The following SPATA16 variants were observed in gnomAD, a reference collection of about 807,000 sequenced individuals.
SPATA16 encodes the protein spermatogenesis-associated protein 16.
A neutral mutation model predicts 63.3 loss-of-function variants in SPATA16; 36 were observed. The observed-to-expected ratio is 0.57, with a 90% CI of 0.44 to 0.75. The LOEUF (loss-of-function observed/expected upper bound fraction) is 0.75. Ranked by LOEUF, SPATA16 falls within the 30% of genes least tolerant of loss-of-function variation. SPATA16 has a pLI of 0.00. For missense variants in SPATA16, 646 were observed against 679.3 expected, an observed-to-expected ratio of 0.95 and a Z score of 0.54; for synonymous variants, 203 against 216.7, an observed-to-expected ratio of 0.94 and a Z score of 0.56.
intron 2 of SPATA16, among the ~76,000 whole-genome samples, chr3:173,056,606 AG>A (rs1215095895): frequency 6.7e-6 from 1 of 149,734 alleles, no homozygotes; most frequent in East Asian, 2.0e-4. Flanking sequence ...AGGGAGGCTG[AG>A]GCAGAAGAAT....
chr3:172,900,630 T>G (rs1732107905), intron 10 of SPATA16, among the ~76,000 whole-genome samples: 1 of 133,070 alleles, frequency 7.5e-6, no homozygotes, highest in Non-Finnish European at 1.7e-5. Flanking sequence ...AGAGGTAATG[T>G]TTTTTTTTGT....
intron 5 of SPATA16, among the ~76,000 whole-genome samples, chr3:172,972,944 C>T (rs1173061925): frequency 1.3e-5 from 2 of 152,090 alleles, no homozygotes; most frequent in African/African-American, 4.8e-5. Context: ...AAGGAAATGA[C>T]GTATTATAAA....
At chr3:172,923,379 T>A (rs1732658086) in intron 8 of SPATA16, among the ~76,000 whole-genome samples, 1 of 152,214 alleles carries the variant, frequency 6.6e-6, no homozygotes. Context: ...TGAATAATGT[T>A]ATTGAGCAGA....
At chr3:173,099,651 T>G (rs1226402157) in intron 2 of SPATA16, among the ~76,000 whole-genome samples, 1 of 152,188 alleles carries the variant, frequency 6.6e-6, no homozygotes, top group Admixed American at 6.5e-5. Flanking sequence ...AATTTTGAAC[T>G]GTGTAAATAT....
chr3:172,949,205 G>A (rs1733367796), intron 6 of SPATA16, among the ~76,000 whole-genome samples: 3 of 151,226 alleles, frequency 2.0e-5, no homozygotes, highest in Admixed American at 1.3e-4. Context: ...ACCATAGAAT[G>A]TTTTTAAAAA....
intron 3 of SPATA16, among the ~76,000 whole-genome samples, chr3:173,035,457 G>A (rs1011322811): frequency 3.3e-5 from 5 of 152,060 alleles, no homozygotes; most frequent in Non-Finnish European, 1.5e-5. Flanking sequence ...GAGGATGATG[G>A]TAAGCCATAT....
chr3:172,977,092 T>C (rs751658534), intron 4 of SPATA16, 40 bp from the exon 5 acceptor site: 2 of 1,520,166 alleles, frequency 1.3e-6, no homozygotes, highest in Non-Finnish European at 1.8e-6. Flanking sequence ...CAAAAACAAA[T>C]GTATAGGACA....
At position 173,114,595 on chromosome 3, in the gene SPATA16, A is replaced by G. The variant is rs143476576; in HGVS notation, c.612+2525T>C. On this transcript the variant is annotated intron_variant, in intron 2 of 10. Coordinates refer to ENST00000351008, the MANE Select transcript of SPATA16 (RefSeq NM_031955.6). ...TATCAGCCCTTGACTACCAACATTT[A>G]TGTATGAGAGAAATAAACTTCTACC... 2.0e-5 allele frequency among the ~76,000 whole-genome samples: 3 copies of G among 152,308 alleles called. No individual in the cohort carries two copies. The East Asian group carries it at 5.8e-4, about 29-fold the overall frequency.
chr3:172,979,605 T>C (rs1392247578), intron 4 of SPATA16, among the ~76,000 whole-genome samples: 1 of 152,224 alleles, frequency 6.6e-6, no homozygotes, highest in Non-Finnish European at 1.5e-5. Context: ...GTGTTCACCA[T>C]TGTAAAATTA....
At chr3:172,954,831 C>T (rs1395578988) in intron 6 of SPATA16, among the ~76,000 whole-genome samples, 6 of 152,184 alleles carry the variant, frequency 3.9e-5, no homozygotes, top group Non-Finnish European at 8.8e-5. Context: ...TAACCCAAAG[C>T]ACAGTTTCCA....
chr3:173,046,363 T>C (rs1324371625), intron 3 of SPATA16, among the ~76,000 whole-genome samples: 1 of 152,020 alleles, frequency 6.6e-6, no homozygotes, highest in African/African-American at 2.4e-5. Context: ...CATTGACTAT[T>C]TTAGTTTAAA....
chr3:173,133,779 AAAAG>A (rs760833273), intron 1 of SPATA16, among the ~76,000 whole-genome samples: 7 of 152,334 alleles, frequency 4.6e-5, no homozygotes, highest in East Asian at 3.9e-4. Context: ...TTCAGACAAA[AAAAG>A]AAAGAAAGGA....
chr3:173,077,383 A>G (rs977114450), intron 2 of SPATA16, among the ~76,000 whole-genome samples: 1 of 152,234 alleles, frequency 6.6e-6, no homozygotes, highest in African/African-American at 2.4e-5. Flanking sequence ...TATAAAAGCA[A>G]TAATAAAGGG....
chr3:172,904,516 C>G (rs925945688), intron 10 of SPATA16, among the ~76,000 whole-genome samples: 1 of 152,176 alleles, frequency 6.6e-6, no homozygotes, highest in Non-Finnish European at 1.5e-5. Flanking sequence ...CAGAGGTTTC[C>G]TGCCAAATCA....
chr3:173,028,995 T>C (rs1372504945), intron 3 of SPATA16, among the ~76,000 whole-genome samples: 2 of 152,072 alleles, frequency 1.3e-5, no homozygotes, highest in African/African-American at 2.4e-5. Flanking sequence ...ATATGGAATA[T>C]AGAATAATTA....
intron 9 of SPATA16, 55 bp from the exon 10 acceptor site, chr3:172,913,799 CTAAA>C: frequency 6.9e-7 from 1 of 1,447,102 alleles, no homozygotes. Flanking sequence ...AATAACTTCT[CTAAA>C]TACACAGATT....
chr3:173,139,851 GGC>G (rs879309046), intron 1 of SPATA16, among the ~76,000 whole-genome samples: 29,915 of 152,026 alleles, frequency 0.2, 3,082 homozygotes, highest in Middle Eastern at 0.27. Context: ...TGGGTGTGGT[GGC>G]GTGTGCTTGT....
At chr3:173,070,928 C>G (rs1736660236) in intron 2 of SPATA16, among the ~76,000 whole-genome samples, 1 of 152,062 alleles carries the variant, frequency 6.6e-6, no homozygotes. Flanking sequence ...GTCAAAATAC[C>G]AATGACATTC....
chr3:172,962,063 G>A (rs1733799075), intron 5 of SPATA16, among the ~76,000 whole-genome samples: 1 of 151,904 alleles, frequency 6.6e-6, no homozygotes, highest in African/African-American at 2.4e-5. Flanking sequence ...AACCAGCATG[G>A]CCAACATGGT....
Sources: allele counts gnomAD v4.1 joint callset (sites outside exome capture counted in the v4.1 genomes callset), GRCh38; gene constraint gnomAD v4.1.1; transcripts MANE v1.5; gene names NCBI Gene and HGNC (gene_info 2026-07-23, HGNC 2026-07-21).